Variants in PLCB4 observed in about 807,000 individuals in gnomAD.
PLCB4 encodes the protein phospholipase C beta 4, also known as 1-phosphatidylinositol 4,5-bisphosphate phosphodiesterase beta-4.
In PLCB4, 77 loss-of-function variants were observed where a neutral mutation model predicts 178.8. The ratio of observed to expected loss-of-function variants is 0.43; its 90% CI spans 0.36 to 0.52. The LOEUF (loss-of-function observed/expected upper bound fraction) is 0.52, where lower values mean the gene tolerates loss of function less well. PLCB4 is among the 20% of genes least tolerant of loss of function. The pLI, the probability that PLCB4 is intolerant of heterozygous loss-of-function variation, is 0.00. For synonymous variants in PLCB4, 496 were observed against 490.8 expected, an observed-to-expected ratio of 1.01 and a Z score of -0.14; for missense variants, 1,024 against 1,453.4, an observed-to-expected ratio of 0.70 and a Z score of 4.80.
chr20:9,424,060 C>T (rs1245295226), intron 28 of PLCB4, 108 bp downstream of exon 28: 1 of 731,148 alleles, frequency 1.4e-6, no homozygotes, highest in Admixed American at 2.3e-5. Flanking sequence ...ACTGTCTATT[C>T]CTGCTAATGC....
intron 2 of PLCB4, among the ~76,000 whole-genome samples, chr20:9,194,482 C>T (rs148204260): frequency 6.6e-6 from 1 of 151,734 alleles, no homozygotes; most frequent in Non-Finnish European, 1.5e-5. Flanking sequence ...GTCAGGAGAT[C>T]GAGACCATCC....
chr20:9,309,255 C>A, intron 4 of PLCB4, among the ~76,000 whole-genome samples: 1 of 152,150 alleles, frequency 6.6e-6, no homozygotes, highest in East Asian at 1.9e-4. Flanking sequence ...TACAGTTTCC[C>A]CCATAAACTA....
At chr20:9,128,886 C>T (rs1205653552) in intron 2 of PLCB4, among the ~76,000 whole-genome samples, 3 of 152,148 alleles carry the variant, frequency 2.0e-5, no homozygotes, top group Non-Finnish European at 4.4e-5. Flanking sequence ...GCAAAATTGA[C>T]TACTCTAGGT....
chr20:9,089,916 G>GGGA (rs1412781730), intron 1 of PLCB4, among the ~76,000 whole-genome samples: 3 of 152,140 alleles, frequency 2.0e-5, no homozygotes, highest in African/African-American at 7.2e-5. Flanking sequence ...GGGGTTAAAT[G>GGGA]CAAGGGAGAT....
intron 26 of PLCB4, 135 bp from the exon 27 acceptor site, chr20:9,421,162 G>T: frequency 4.9e-6 from 3 of 616,850 alleles, no homozygotes; most frequent in Non-Finnish European, 2.7e-6. Context: ...TGATAGAAAT[G>T]AATACATTAT....
At chr20:9,366,670 C>T (rs2035811542) in intron 9 of PLCB4, among the ~76,000 whole-genome samples, 1 of 152,184 alleles carries the variant, frequency 6.6e-6, no homozygotes, top group African/African-American at 2.4e-5. Flanking sequence ...TTGTTTTAAG[C>T]ATTCATGGAA....
chr20:9,399,206 T>C (rs2038843844), intron 19 of PLCB4, among the ~76,000 whole-genome samples: 1 of 152,170 alleles, frequency 6.6e-6, no homozygotes, highest in Non-Finnish European at 1.5e-5. Flanking sequence ...CAAAATATAC[T>C]TGAGATTTGG....
rs867161002 is a variant in PLCB4 at position 9,203,062 on chromosome 20, T to A, written c.-78-14328T>A. 2.1e-3 allele frequency among the ~76,000 whole-genome samples: 301 copies of A among 143,850 alleles called. 1 individual carries two copies. The highest frequency in any genetic ancestry group is 6.6e-3 in the East Asian group (33 of 5,000). The allele number at this position is 143,850 out of a possible 152,430, so 94.4% of individuals were successfully genotyped here. ...TGGTAAAAAAAAAAAAAAAAATATATATATATATATATATATATGACAAAT... is the reference window on the plus strand; with the variant it reads ...TGGTAAAAAAAAAAAAAAAAATATAAATATATATATATATATATGACAAAT... On this transcript the variant is annotated intron_variant, in intron 2 of 39. Coordinates refer to ENST00000378473, the MANE Select transcript of PLCB4 (RefSeq NM_001377142.1).
chr20:9,286,318 C>A (rs1479468171), intron 3 of PLCB4, among the ~76,000 whole-genome samples: 1 of 151,958 alleles, frequency 6.6e-6, no homozygotes, highest in African/African-American at 2.4e-5. Context: ...AACCTTCATA[C>A]TTCTTTGTAA....
rs574561240 is a variant in PLCB4 at position 9,404,372 on chromosome 20, A to G, written c.1612-941A>G. On this transcript the variant is annotated intron_variant, in intron 20 of 39. Transcript: ENST00000378473. ...CAAAGGAATATTGCCTTTACACACT[A>G]TCTTTTCTGATATAGGGAATTGTGA... 2.6e-4 allele frequency among the ~76,000 whole-genome samples: 40 copies of G among 152,320 alleles called. 1 individual carries two copies. In the South Asian group the frequency reaches 7.9e-3, roughly 30 times the overall value.
At chr20:9,293,267 G>A (rs1032422080) in intron 3 of PLCB4, among the ~76,000 whole-genome samples, 12 of 150,428 alleles carry the variant, frequency 8.0e-5, no homozygotes, top group Admixed American at 2.7e-4. Flanking sequence ...GAAAGGGAAG[G>A]AAAGGGAAGG....
chr20:9,390,016 GC>G, intron 16 of PLCB4, 58 bp downstream of exon 16: 1 of 849,486 alleles, frequency 1.2e-6, no homozygotes, highest in Non-Finnish European at 2.0e-6. Flanking sequence ...AACCCCTAAT[GC>G]CCACTCCTGC....
At chr20:9,410,654 G>A (rs1248254157) in intron 24 of PLCB4, among the ~76,000 whole-genome samples, 1 of 152,090 alleles carries the variant, frequency 6.6e-6, no homozygotes, top group Admixed American at 6.5e-5. Flanking sequence ...TTTAAATCAA[G>A]TTTCATATTC....
At chr20:9,353,827 C>T (rs2034551255) in intron 7 of PLCB4, among the ~76,000 whole-genome samples, 1 of 152,196 alleles carries the variant, frequency 6.6e-6, no homozygotes, top group African/African-American at 2.4e-5. Flanking sequence ...AAGTCATGTT[C>T]TGATATACCC....
intron 13 of PLCB4, 36 bp downstream of exon 13, chr20:9,380,198 C>G (rs1337931962): frequency 1.0e-6 from 1 of 988,994 alleles, no homozygotes; most frequent in Non-Finnish European, 1.5e-6. Flanking sequence ...AAAAAAAAAA[C>G]AAGAAAAGAT....
chr20:9,220,365 G>A lies in PLCB4; in HGVS notation c.-16+2913G>A, dbSNP rs73093824. ...TAAATATTCATTATAGACCGGGCACGGTGGCTCATGCCACCCAGCATTTTG... is the reference window on the plus strand; with the variant it reads ...TAAATATTCATTATAGACCGGGCACAGTGGCTCATGCCACCCAGCATTTTG... On this transcript the variant is annotated intron_variant, in intron 3 of 39. Transcript: ENST00000378473. Among the ~76,000 whole-genome samples, 629 of 152,206 alleles carry A rather than the reference G, an allele frequency of 4.1e-3. 5 individuals carry two copies. Among genetic ancestry groups the A allele is most frequent in the South Asian group, 0.024 (117 of 4,816 alleles).
At chr20:9,217,835 T>C (rs796145092) in intron 3 of PLCB4, among the ~76,000 whole-genome samples, 6 of 152,308 alleles carry the variant, frequency 3.9e-5, no homozygotes, top group African/African-American at 1.4e-4. Flanking sequence ...AGATTCCCAC[T>C]GATGTGAAAA....
At chr20:9,150,668 A>G (rs934215076) in intron 2 of PLCB4, among the ~76,000 whole-genome samples, 5 of 152,110 alleles carry the variant, frequency 3.3e-5, no homozygotes, top group Non-Finnish European at 7.4e-5. Context: ...GCCTGAGGTC[A>G]GTGAAGTTAA....
At chr20:9,109,863 G>A (rs2091511355) in intron 2 of PLCB4, among the ~76,000 whole-genome samples, 1 of 152,104 alleles carries the variant, frequency 6.6e-6, no homozygotes, top group South Asian at 2.1e-4. Context: ...ATTGTCATCT[G>A]GCTTTGTGTT....
Sources: gnomAD v4.1 joint callset for allele counts (sites outside exome capture counted in the v4.1 genomes callset) on GRCh38, gnomAD v4.1.1 for gene constraint, MANE v1.5 for transcripts, NCBI Gene and HGNC (gene_info 2026-07-23, HGNC 2026-07-21) for gene names.